PLEKHF2: variants seen among roughly 807,000 people sequenced by gnomAD.
The protein encoded by PLEKHF2 is pleckstrin homology and FYVE domain containing 2, also known as pleckstrin homology domain-containing family F member 2.
In PLEKHF2, 4 loss-of-function variants were observed where a neutral mutation model predicts 14.7. The ratio of observed to expected loss-of-function variants is 0.27; its 90% confidence interval spans 0.13 to 0.62. The LOEUF (loss-of-function observed/expected upper bound fraction) is 0.62, where lower values mean the gene tolerates loss of function less well. Ranked by LOEUF, PLEKHF2 falls within the 20% of genes least tolerant of loss-of-function variation. PLEKHF2 has a pLI of 0.85. For missense variants in PLEKHF2, 201 were observed against 307.7 expected (o/e 0.65, Z 2.60); for synonymous variants, 90 against 103.5 (o/e 0.87, Z 0.79).
At chr8:95,138,379 A>T (rs1810402960) in intron 1 of PLEKHF2, among the ~76,000 whole-genome samples, 1 of 96,444 alleles carries the variant, frequency 1.0e-5, no homozygotes, top group South Asian at 3.9e-4. Context: ...CCTTTTTCAG[A>T]AGTGGAACTA....
At chr8:95,140,972 A>T (rs1810433072) in intron 1 of PLEKHF2, among the ~76,000 whole-genome samples, 1 of 152,064 alleles carries the variant, frequency 6.6e-6, no homozygotes, top group South Asian at 2.1e-4. Context: ...TCCCATGATA[A>T]TCTTTCCTAT....
chr8:95,154,893 A>G lies in PLEKHF2; in HGVS notation c.*99A>G. On this transcript the variant is annotated 3_prime_UTR_variant, in exon 2 of 2. Transcript: ENST00000315367. This position sits in a 1 kb window ranked among gnomAD's most constrained non-coding sequence, Gnocchi z 5.6. Reference sequence around the variant, plus strand: ...GCTCTCTCTCTGTTTTGTTCTAGCCATGAATTTGCCTGAGAAACTTGTAAC... The same window carrying G: ...GCTCTCTCTCTGTTTTGTTCTAGCCGTGAATTTGCCTGAGAAACTTGTAAC... 2.8e-6 allele frequency: 4 copies of G among 1,452,976 alleles called. No homozygotes were observed. The highest frequency in any genetic ancestry group is 3.7e-6 in the Non-Finnish European group (4 of 1,071,654). 90.0% of individuals were successfully genotyped at this position (1,452,976 alleles called of 1,614,324 possible). A position where few individuals can be genotyped will look rare whatever the true frequency, so the allele number is the denominator to read the frequency against.
intron 1 of PLEKHF2, among the ~76,000 whole-genome samples, chr8:95,140,694 T>G (rs1373325528): frequency 6.6e-6 from 1 of 152,214 alleles, no homozygotes; most frequent in African/African-American, 2.4e-5. Context: ...AGGCCCAGCT[T>G]GAATTTCTGG....
At chr8:95,138,300 A>C (rs1810400150) in intron 1 of PLEKHF2, among the ~76,000 whole-genome samples, 1 of 149,184 alleles carries the variant, frequency 6.7e-6, no homozygotes, top group Non-Finnish European at 1.5e-5. Flanking sequence ...AAAATGATTA[A>C]GATTTTATGA....
At chr8:95,143,509 G>A (rs1204495792) in intron 1 of PLEKHF2, among the ~76,000 whole-genome samples, 1 of 152,208 alleles carries the variant, frequency 6.6e-6, no homozygotes, top group Non-Finnish European at 1.5e-5. Context: ...CAAATAAAAT[G>A]GTGTGAGGAT....
chr8:95,153,920 A>G, intron 1 of PLEKHF2, 111 bp from the exon 2 acceptor site: 1 of 799,126 alleles, frequency 1.3e-6, no homozygotes, highest in Non-Finnish European at 1.8e-6. Flanking sequence ...AGAATTTTAG[A>G]ACATTTTGCC....
chr8:95,146,154 A>G (rs1302500918), intron 1 of PLEKHF2, among the ~76,000 whole-genome samples: 4 of 152,214 alleles, frequency 2.6e-5, no homozygotes, highest in Non-Finnish European at 5.9e-5. Flanking sequence ...CCCATTTACT[A>G]TCAAAGACTC....
chr8:95,145,316 C>G (rs767761241), intron 1 of PLEKHF2, among the ~76,000 whole-genome samples: 1 of 152,112 alleles, frequency 6.6e-6, no homozygotes, highest in African/African-American at 2.4e-5. Context: ...ACTGTGTAAT[C>G]GGTTGGCCAC....
intron 1 of PLEKHF2, among the ~76,000 whole-genome samples, chr8:95,147,202 G>A (rs1810508248): frequency 6.6e-6 from 1 of 151,894 alleles, no homozygotes; most frequent in South Asian, 2.1e-4. Context: ...TTAAAAAATG[G>A]TTCTAAACCT....
chr8:95,149,370 C>CTATT (rs1810534166), intron 1 of PLEKHF2, among the ~76,000 whole-genome samples: 1 of 151,984 alleles, frequency 6.6e-6, no homozygotes, highest in African/African-American at 2.4e-5. Context: ...TTGGAATTAC[C>CTATT]TATTTATTTA....
At chr8:95,135,626 A>G (rs1029450162) in intron 1 of PLEKHF2, among the ~76,000 whole-genome samples, 36 of 152,304 alleles carry the variant, frequency 2.4e-4, no homozygotes, top group African/African-American at 8.4e-4. Context: ...TGTATTGCCA[A>G]TTTCTGTTGT....
intron 1 of PLEKHF2, among the ~76,000 whole-genome samples, chr8:95,145,833 T>G (rs1810494798): frequency 6.6e-6 from 1 of 152,230 alleles, no homozygotes; most frequent in African/African-American, 2.4e-5. Flanking sequence ...AAGTAAGAAC[T>G]GTCTTGTCCC....
In PLEKHF2 at chr8:95,154,104, C is replaced by G; in HGVS notation, c.60C>G (p.Asn20Lys). ...CTAGACGTATAAGTATAGTGGAAAA[C>G]TGTTTTGGAGCAGCTGGTCAACCTT... Reference protein sequence around the residue: ...ANTRRISIVENCFGAAGQPLT... With the variant: ...ANTRRISIVEKCFGAAGQPLT... The change falls in exon 2 of 2, where the codon AAC becomes AAG. Residue 20 changes from asparagine (N) to lysine (K), a missense_variant. Coordinates refer to ENST00000315367, the MANE Select transcript of PLEKHF2 (RefSeq NM_024613.4). This position sits in a 1 kb window ranked among gnomAD's most constrained non-coding sequence, Gnocchi z 5.6. The G allele has an allele frequency of 1.9e-6, 3 of 1,613,616 alleles. No individual in the cohort carries two copies. Among genetic ancestry groups the G allele is most frequent in the Non-Finnish European group, 2.5e-6 (3 of 1,179,814 alleles).
Position 95,154,694 on chromosome 8 carries a change from C to T in PLEKHF2, c.650C>T (p.Ala217Val), listed in dbSNP as rs752137532. 1 of 1,614,096 alleles carries T rather than the reference C, an allele frequency of 6.2e-7. No individual in the cohort carries two copies. Among genetic ancestry groups the T allele is most frequent in the Non-Finnish European group, 8.5e-7 (1 of 1,179,988 alleles). Residue 217 changes from alanine (A) to valine (V), a missense_variant, in exon 2 of 2, where the codon GCC becomes GTC. By Grantham distance (64) the Ala-to-Val change is moderately conservative (BLOSUM62 0). Transcript: ENST00000315367. This position sits in a 1 kb window ranked among gnomAD's most constrained non-coding sequence, Gnocchi z 5.6. ...GACCTGCTTTCTGCTGGGGACATGG[C>T]CACATGCCAGCCTGCTAGATCAGAC... is the stretch of plus-strand genomic sequence containing the variant. ...CYDLLSAGDM[A>V]TCQPARSDSY...
chr8:95,145,956 T>C (rs905873769), intron 1 of PLEKHF2, among the ~76,000 whole-genome samples: 1 of 152,228 alleles, frequency 6.6e-6, no homozygotes, highest in African/African-American at 2.4e-5. Context: ...TCTGGTAGTT[T>C]ATTGCTGTTT....
chr8:95,140,675 T>G (rs1810430220), intron 1 of PLEKHF2, among the ~76,000 whole-genome samples: 1 of 152,178 alleles, frequency 6.6e-6, no homozygotes, highest in South Asian at 2.1e-4. Context: ...AGCTACTACT[T>G]TTGCTTTAAG....
At position 95,154,006 on chromosome 8, in the gene PLEKHF2, A is replaced by T; in HGVS notation, c.-14-25A>T. Reference sequence around the variant, plus strand: ...TAGGAATTTATAATTTATATGTGCTAATTTCTTTTTCTTTTTTTTAAAAGG... The same window carrying T: ...TAGGAATTTATAATTTATATGTGCTTATTTCTTTTTCTTTTTTTTAAAAGG... On this transcript the variant is annotated intron_variant, in intron 1 of 1. Transcript: ENST00000315367. This position sits in a 1 kb window ranked among gnomAD's most constrained non-coding sequence, Gnocchi z 5.6. The T allele has an allele frequency of 6.8e-7, 1 of 1,461,266 alleles. No individual in the cohort carries two copies. The highest frequency in any genetic ancestry group is 9.1e-7 in the Non-Finnish European group (1 of 1,096,632). 90.5% of individuals were successfully genotyped at this position (1,461,266 alleles called of 1,614,324 possible).
At chr8:95,152,032 C>T (rs1810569939) in intron 1 of PLEKHF2, among the ~76,000 whole-genome samples, 2 of 152,030 alleles carry the variant, frequency 1.3e-5, no homozygotes, top group African/African-American at 4.8e-5. Context: ...TAATTGGCAA[C>T]ATTTTTCTCT....
At chr8:95,147,240 G>A (rs886993256) in intron 1 of PLEKHF2, among the ~76,000 whole-genome samples, 1 of 151,970 alleles carries the variant, frequency 6.6e-6, no homozygotes, top group Non-Finnish European at 1.5e-5. Flanking sequence ...TATCTGAGGA[G>A]CTTTAAAAAT....
Sources: allele counts gnomAD v4.1 joint callset (sites outside exome capture counted in the v4.1 genomes callset), GRCh38; gene constraint gnomAD v4.1.1; non-coding constraint Gnocchi (gnomAD v3.1); transcripts MANE v1.5; gene names NCBI Gene and HGNC (gene_info 2026-07-23, HGNC 2026-07-21).